The following PRPF18 variants were observed in gnomAD, a reference collection of about 807,000 sequenced individuals.
The protein encoded by PRPF18 is pre-mRNA processing factor 18.
Under a neutral mutation model 46.5 loss-of-function variants are expected in PRPF18, and 38 were observed. The ratio of observed to expected loss-of-function variants is 0.82; its 90% confidence interval spans 0.63 to 1.07. The LOEUF (loss-of-function observed/expected upper bound fraction) is 1.07. Ranked by LOEUF, PRPF18 falls within the 50% of genes least tolerant of loss-of-function variation. The pLI is 0.00. For missense variants in PRPF18, 263 were observed against 410.0 expected (o/e 0.64, Z 3.10); for synonymous variants, 152 against 146.7 (o/e 1.04, Z -0.26).
At chr10:13,602,558 C>G (rs2080128411) in intron 3 of PRPF18, among the ~76,000 whole-genome samples, 2 of 149,922 alleles carry the variant, frequency 1.3e-5, no homozygotes, top group South Asian at 4.2e-4. Flanking sequence ...TTCCTCTGTT[C>G]CTAAGAGTTA....
At chr10:13,609,988 A>G in intron 4 of PRPF18, 51 bp from the exon 5 acceptor site, 1 of 1,492,614 alleles carries the variant, frequency 6.7e-7, no homozygotes, top group Non-Finnish European at 9.1e-7. Flanking sequence ...GTGAAAAAAC[A>G]GGTGTTCTTC....
intron 4 of PRPF18, among the ~76,000 whole-genome samples, chr10:13,609,589 G>C (rs2080242610): frequency 6.6e-6 from 1 of 152,136 alleles, no homozygotes. Context: ...TGAGAACCTG[G>C]GATATAGATG....
intron 9 of PRPF18, among the ~76,000 whole-genome samples, chr10:13,625,038 T>C (rs2080479862): frequency 6.6e-6 from 1 of 152,120 alleles, no homozygotes; most frequent in Non-Finnish European, 1.5e-5. Flanking sequence ...AGAATGATAA[T>C]TAATATCCTT....
chr10:13,617,852 C>A (rs2080368410), intron 9 of PRPF18, among the ~76,000 whole-genome samples: 1 of 152,076 alleles, frequency 6.6e-6, no homozygotes, highest in African/African-American at 2.4e-5. Context: ...AAAAAAAATT[C>A]TTCTTTTGCC....
chr10:13,622,119 A>G (rs77486304), intron 9 of PRPF18, among the ~76,000 whole-genome samples: 1,602 of 152,310 alleles, frequency 0.011, 23 homozygotes, highest in African/African-American at 0.037. Context: ...TTGTGGGTTG[A>G]GTGGCTTCAT....
chr10:13,617,122 T>A (rs1212609756), intron 9 of PRPF18, among the ~76,000 whole-genome samples: 1 of 152,230 alleles, frequency 6.6e-6, no homozygotes, highest in East Asian at 1.9e-4. Flanking sequence ...TAAACTTTTC[T>A]CCCTAGTGGG....
chr10:13,636,831 C>T, the PRPF18 span, among the ~76,000 whole-genome samples: 1 of 152,180 alleles, frequency 6.6e-6, no homozygotes, highest in East Asian at 1.9e-4. Flanking sequence ...CAGTTGTACC[C>T]ATTTAAAGTG....
At chr10:13,606,215 C>T (rs189954593) in intron 4 of PRPF18, among the ~76,000 whole-genome samples, 7 of 152,306 alleles carry the variant, frequency 4.6e-5, no homozygotes, top group African/African-American at 7.2e-5. Context: ...CTCCTCATCC[C>T]TTCCTGGGCA....
intron 8 of PRPF18, 31 bp downstream of exon 8, chr10:13,614,117 TAA>T: frequency 6.8e-7 from 1 of 1,471,758 alleles, no homozygotes; most frequent in Non-Finnish European, 9.3e-7. Context: ...TTGAAATTGT[TAA>T]GAGTATATCT....
intron 1 of PRPF18, among the ~76,000 whole-genome samples, chr10:13,594,352 A>G (rs2080005720): frequency 6.6e-6 from 1 of 152,196 alleles, no homozygotes; most frequent in South Asian, 2.1e-4. Flanking sequence ...AAATTCATCC[A>G]CAGATAAGTA....
At chr10:13,618,706 C>T (rs773655377) in intron 9 of PRPF18, among the ~76,000 whole-genome samples, 1 of 147,112 alleles carries the variant, frequency 6.8e-6, no homozygotes, top group South Asian at 2.2e-4. Flanking sequence ...CACCTAATAA[C>T]TTAGTGTAGG....
At chr10:13,634,354 C>A (rs541795178), downstream of PRPF18, among the ~76,000 whole-genome samples, 1 of 152,322 alleles carries the variant, frequency 6.6e-6, no homozygotes, top group South Asian at 2.1e-4. Context: ...AAGCTTAACA[C>A]ATAATTTTAC....
At chr10:13,616,255 A>C in intron 8 of PRPF18, 143 bp from the exon 9 acceptor site, 2 of 803,780 alleles carry the variant, frequency 2.5e-6, no homozygotes, top group Admixed American at 5.7e-5. Context: ...GTTTTGTTTG[A>C]ATAACAGTCA....
intron 1 of PRPF18, among the ~76,000 whole-genome samples, chr10:13,588,329 C>T (rs567339478): frequency 6.6e-6 from 1 of 151,984 alleles, no homozygotes; most frequent in Non-Finnish European, 1.5e-5. Context: ...ATCACTTGAA[C>T]CCGGGAGGCG....
intron 5 of PRPF18, 150 bp downstream of exon 5, chr10:13,610,335 CT>C (rs2080252796): frequency 2.2e-6 from 2 of 897,274 alleles, no homozygotes; most frequent in South Asian, 6.2e-5. Flanking sequence ...ATTTACTCCC[CT>C]TTTTCTCATC....
At chr10:13,652,882 G>A in the PRPF18 span, 1 of 152,206 alleles carries the variant, frequency 6.6e-6, no homozygotes, top group Non-Finnish European at 1.5e-5. Flanking sequence ...CAAGATCCCA[G>A]GTGAGGCTCA....
Position 13,591,876 on chromosome 10 carries a change from A to G in PRPF18, c.66+4724A>G, listed in dbSNP as rs778295275. On this transcript the variant is annotated intron_variant, in intron 1 of 9. Transcript: ENST00000378572. Reference sequence around the variant, plus strand: ...TGTGGAATCCAGTGAGGATGATCAGAACGTTCCCCGGGGTAATGCTGGTTC... The same window carrying G: ...TGTGGAATCCAGTGAGGATGATCAGGACGTTCCCCGGGGTAATGCTGGTTC... 7.7e-6 allele frequency: 11 copies of G among 1,424,556 alleles called. No individual in the cohort carries two copies. In the East Asian group the frequency reaches 3.8e-4, roughly 49 times the overall value. 88.2% of individuals were successfully genotyped at this position (1,424,556 alleles called of 1,614,324 possible).
chr10:13,605,836 A>C, intron 4 of PRPF18, 92 bp downstream of exon 4: 1 of 1,419,546 alleles, frequency 7.0e-7, no homozygotes, highest in Non-Finnish European at 9.2e-7. Context: ...GCAACAATGG[A>C]AAAGTAAAGT....
At chr10:13,597,248 C>T (rs1404909544) in intron 1 of PRPF18, among the ~76,000 whole-genome samples, 6 of 152,154 alleles carry the variant, frequency 3.9e-5, no homozygotes, top group African/African-American at 1.4e-4. Flanking sequence ...CTTGAACTTA[C>T]CACATATCGG....
Sources: gnomAD v4.1 joint callset for allele counts (sites outside exome capture counted in the v4.1 genomes callset) on GRCh38, gnomAD v4.1.1 for gene constraint, MANE v1.5 for transcripts, NCBI Gene and HGNC (gene_info 2026-07-23, HGNC 2026-07-21) for gene names.